Variants in EHBP1 observed in about 807,000 individuals in gnomAD.
EHBP1 encodes the protein EH domain binding protein 1, also known as EH domain-binding protein 1.
In EHBP1, 55 loss-of-function variants were observed where a neutral mutation model predicts 144.0. The ratio of observed to expected loss-of-function variants is 0.38; its 90% CI spans 0.31 to 0.48. The LOEUF (loss-of-function observed/expected upper bound fraction) is 0.48, where lower values mean the gene tolerates loss of function less well. Among genes scored for constraint, EHBP1 ranks in the 20% least tolerant of loss-of-function variants. EHBP1 has a pLI of 0.98. For synonymous variants in EHBP1, 469 were observed against 472.7 expected (o/e 0.99, Z 0.10); for missense variants, 1,200 against 1,364.2 (o/e 0.88, Z 1.90).
chr2:62,936,764 A>G (rs1052540114), intron 10 of EHBP1, among the ~76,000 whole-genome samples: 6 of 152,214 alleles, frequency 3.9e-5, no homozygotes, highest in Admixed American at 3.9e-4. Context: ...GAATAAAGTG[A>G]AGTGATTTAA....
At chr2:62,756,988 C>A (rs966211952) in intron 3 of EHBP1, among the ~76,000 whole-genome samples, 2 of 152,120 alleles carry the variant, frequency 1.3e-5, no homozygotes, top group African/African-American at 2.4e-5. Context: ...GTATCAGTTA[C>A]GTTAAATCTA....
At chr2:62,676,767 G>T (rs982501500) in intron 1 of EHBP1, among the ~76,000 whole-genome samples, 2 of 152,078 alleles carry the variant, frequency 1.3e-5, no homozygotes, top group South Asian at 4.1e-4. Flanking sequence ...AAGGGCTATA[G>T]CCAAGTGCCA....
chr2:62,970,143 C>G (rs553131567), intron 14 of EHBP1, among the ~76,000 whole-genome samples: 17 of 148,324 alleles, frequency 1.1e-4, no homozygotes, highest in African/African-American at 4.2e-4. Context: ...GAGTCTTGCT[C>G]CCTGTCTAAT....
At chr2:62,818,724 A>G (rs2045636049) in intron 5 of EHBP1, among the ~76,000 whole-genome samples, 1 of 152,340 alleles carries the variant, frequency 6.6e-6, no homozygotes, top group Non-Finnish European at 1.5e-5. Flanking sequence ...ACTAGAAAGA[A>G]TCACAAAATC....
upstream of EHBP1, among the ~76,000 whole-genome samples, chr2:62,700,775 G>A (rs1448873517): frequency 6.6e-6 from 1 of 152,140 alleles, no homozygotes; most frequent in Non-Finnish European, 1.5e-5. Flanking sequence ...TGCATGTCCA[G>A]TAGTTCCAAG....
In EHBP1 at chr2:62,850,280, G is replaced by C. The variant is rs150065002; in HGVS notation, c.635-8889G>C. ...AACGAAGGTACTGCAAGATTTGCAG[G>C]TATATTCTAGCCTACAGGAAGTTTT... On this transcript the variant is annotated intron_variant, in intron 7 of 22. Coordinates refer to ENST00000431489, the MANE Select transcript of EHBP1 (RefSeq NM_001142616.3). 2.2e-3 allele frequency among the ~76,000 whole-genome samples: 338 copies of C among 152,214 alleles called. 2 individuals are homozygous for C. Among genetic ancestry groups the C allele is most frequent in the African/African-American group, 7.6e-3 (316 of 41,516 alleles).
chr2:62,685,718 A>C (rs528136397), intron 1 of EHBP1, among the ~76,000 whole-genome samples: 4 of 152,174 alleles, frequency 2.6e-5, no homozygotes, highest in Non-Finnish European at 4.4e-5. Flanking sequence ...AGAGCTTATA[A>C]GCGGCAGCAC....
chr2:62,834,471 C>A (rs1201364930), intron 7 of EHBP1, among the ~76,000 whole-genome samples: 2 of 152,158 alleles, frequency 1.3e-5, no homozygotes, highest in African/African-American at 2.4e-5. Context: ...CCCACCAACA[C>A]CAAAAAGATT....
intron 5 of EHBP1, among the ~76,000 whole-genome samples, chr2:62,788,391 A>G (rs1037019820): frequency 6.6e-6 from 1 of 151,700 alleles, no homozygotes; most frequent in African/African-American, 2.4e-5. Context: ...CTAAACTTTG[A>G]TAGTATAGGT....
chr2:62,864,860 C>G lies in EHBP1; in HGVS notation c.887C>G (p.Thr296Ser), dbSNP rs771214452. The change falls in exon 9 of 23, where the codon ACC becomes AGC. Residue 296 changes from threonine (T) to serine (S), a missense_variant. Physicochemically the swap from Thr to Ser is moderately conservative, Grantham distance 58. Around this residue, in one of 6 missense-constraint regions of EHBP1, gnomAD observed 266 missense variants for 262.4 expected, o/e 1.01. Transcript: ENST00000431489. ...TTCGATGAGCCAGAAGCATTTGTGA[C>G]CATAAAGGATTCTCCTCCCCAGTCT... ...NPFDEPEAFV[T>S]IKDSPPQSTK... The G allele has an allele frequency of 6.2e-7, 1 of 1,613,960 alleles. No individual in the cohort carries two copies. The highest frequency in any genetic ancestry group is 8.5e-7 in the Non-Finnish European group (1 of 1,179,974).
intron 2 of EHBP1, 59 bp from the exon 3 acceptor site, chr2:62,747,336 T>G (rs1248821028): frequency 3.3e-6 from 5 of 1,535,070 alleles, no homozygotes; most frequent in Non-Finnish European, 4.5e-6. Flanking sequence ...TTAAAGGCGC[T>G]AAAATGAAAC....
chr2:62,692,903 TA>T (rs1186384544), intron 1 of EHBP1, among the ~76,000 whole-genome samples: 2 of 152,042 alleles, frequency 1.3e-5, no homozygotes, highest in African/African-American at 4.8e-5. Context: ...TTAATGGGTG[TA>T]AAAAATTATC....
chr2:62,951,152 G>A (rs2057357041), intron 13 of EHBP1, among the ~76,000 whole-genome samples: 1 of 152,110 alleles, frequency 6.6e-6, no homozygotes, highest in African/African-American at 2.4e-5. Flanking sequence ...TCCTCAAGTG[G>A]TGTTGACTGA....
intron 19 of EHBP1, among the ~76,000 whole-genome samples, chr2:63,034,539 A>G (rs530290362): frequency 6.6e-6 from 1 of 152,182 alleles, no homozygotes; most frequent in Admixed American, 6.5e-5. Context: ...GCTACAATGT[A>G]AAGTGCTTTA....
intron 14 of EHBP1, among the ~76,000 whole-genome samples, chr2:62,974,740 C>T (rs895722073): frequency 6.6e-5 from 10 of 152,118 alleles, no homozygotes; most frequent in African/African-American, 2.2e-4. Flanking sequence ...AAACATATAG[C>T]GTATGATTGA....
At chr2:62,963,128 G>A (rs1266928882) in intron 14 of EHBP1, among the ~76,000 whole-genome samples, 20 of 152,222 alleles carry the variant, frequency 1.3e-4, no homozygotes, top group Non-Finnish European at 2.9e-5. Context: ...TAACTGCTAA[G>A]ACCAGTAACC....
chr2:62,701,090 C>T (rs1249745956), upstream of EHBP1, among the ~76,000 whole-genome samples: 2 of 152,170 alleles, frequency 1.3e-5, no homozygotes, highest in East Asian at 3.8e-4. Flanking sequence ...CCTCCAAGTT[C>T]TGTCTTTCCC....
chr2:62,919,809 A>G (rs551989193), intron 10 of EHBP1, among the ~76,000 whole-genome samples: 1 of 152,284 alleles, frequency 6.6e-6, no homozygotes, highest in South Asian at 2.1e-4. Context: ...TGGAAATATT[A>G]ATAAAGAAAA....
chr2:62,844,536 A>G lies in EHBP1; in HGVS notation c.634+13378A>G, dbSNP rs559920437. Among the ~76,000 whole-genome samples the G allele has an allele frequency of 6.6e-5, 10 of 152,268 alleles. No individual in the cohort carries two copies. In the South Asian group the frequency reaches 1.7e-3, roughly 25 times the overall value. ...CCAGTAGTAGAAATTATGAAACCAT[A>G]TGGTTTCAGAACAATAAATACTGGC... On this transcript the variant is annotated intron_variant, in intron 7 of 22. Transcript: ENST00000431489.
Sources: gnomAD v4.1 joint callset for allele counts (sites outside exome capture counted in the v4.1 genomes callset) on GRCh38, gnomAD v4.1.1 for gene constraint, gnomAD v4.1.1 regional missense constraint, MANE v1.5 for transcripts, NCBI Gene and HGNC (gene_info 2026-07-23, HGNC 2026-07-21) for gene names.